The following TASP1 variants were observed in gnomAD, a reference collection of about 807,000 sequenced individuals.
The protein encoded by TASP1 is threonine aspartase 1.
Under a neutral mutation model 56.6 loss-of-function variants are expected in TASP1, and 16 were observed. That is an observed-to-expected ratio of 0.28 (90% CI 0.19 to 0.43). The LOEUF (loss-of-function observed/expected upper bound fraction) is 0.43. Among genes scored for constraint, TASP1 ranks in the 20% least tolerant of loss-of-function variants. The probability of loss-of-function intolerance (pLI) is 1.00; values close to 1 mark genes in which losing one functional copy is unlikely to be tolerated. For synonymous variants in TASP1, 179 were observed against 184.2 expected (o/e 0.97, Z 0.23); for missense variants, 393 against 511.6 (o/e 0.77, Z 2.24).
chr20:13,193,165 A>G, the TASP1 span, among the ~76,000 whole-genome samples: 1 of 152,270 alleles, frequency 6.6e-6, no homozygotes, highest in Non-Finnish European at 1.5e-5. Flanking sequence ...AAAACCAAAA[A>G]AAGCAAAAGT....
At chr20:13,591,862 C>A (rs1021138647) in intron 4 of TASP1, among the ~76,000 whole-genome samples, 1 of 151,678 alleles carries the variant, frequency 6.6e-6, no homozygotes, top group Non-Finnish European at 1.5e-5. Flanking sequence ...TACATGAAGG[C>A]CTATAATATT....
At chr20:13,530,772 T>C (rs887918499) in intron 9 of TASP1, among the ~76,000 whole-genome samples, 6 of 152,174 alleles carry the variant, frequency 3.9e-5, no homozygotes, top group African/African-American at 1.4e-4. Flanking sequence ...CTTCTGAAAT[T>C]CATTGGGCTG....
intron 10 of TASP1, among the ~76,000 whole-genome samples, chr20:13,512,451 TTG>T (rs2044370643): frequency 6.6e-6 from 1 of 152,198 alleles, no homozygotes; most frequent in Non-Finnish European, 1.5e-5. Context: ...TTTGATAAGG[TTG>T]TTTTTTTCTT....
At chr20:13,169,071 G>C in the TASP1 span, 3 of 151,918 alleles carry the variant, frequency 2.0e-5, no homozygotes, top group African/African-American at 7.3e-5. Context: ...TAAAATGTTA[G>C]TTTTAAAATA....
At chr20:13,446,135 A>G (rs1215421329) in intron 11 of TASP1, among the ~76,000 whole-genome samples, 2 of 152,120 alleles carry the variant, frequency 1.3e-5, no homozygotes, top group African/African-American at 2.4e-5. Context: ...TTTAATCAGG[A>G]TGGTCAAGCA....
the TASP1 span, among the ~76,000 whole-genome samples, chr20:13,252,937 C>T: frequency 7.2e-5 from 11 of 152,176 alleles, no homozygotes; most frequent in East Asian, 1.9e-4. Flanking sequence ...CCAGCCCCCC[C>T]TCTCAGATCT....
chr20:13,306,564 C>CAAAAAAAAAAAAAAAAAAAAGAAAAAAAA, the TASP1 span, among the ~76,000 whole-genome samples: 2 of 63,914 alleles, frequency 3.1e-5, no homozygotes, highest in Non-Finnish European at 2.6e-5. Flanking sequence ...GGAGAAAGGA[C>CAAAAAAAAAAAAAAAAAAAAGAAAAAAAA]AAAAAAAAAA....
chr20:13,337,066 C>T, the TASP1 span, among the ~76,000 whole-genome samples: 2 of 152,208 alleles, frequency 1.3e-5, no homozygotes, highest in Non-Finnish European at 2.9e-5. Flanking sequence ...TGAATAGAGG[C>T]ACCAGAATTC....
At position 13,540,118 on chromosome 20, in the gene TASP1, T is replaced by C. The variant is rs568818454; in HGVS notation, c.676-5977A>G. ...CCCATAGTGAACCACTGGTTAAAGATTGAGAACCTGGGATATGCTGAACTT... is the reference window on the plus strand; with the variant it reads ...CCCATAGTGAACCACTGGTTAAAGACTGAGAACCTGGGATATGCTGAACTT... On this transcript the variant is annotated intron_variant, in intron 8 of 13. Transcript: ENST00000337743. 1.7e-4 allele frequency among the ~76,000 whole-genome samples: 26 copies of C among 152,318 alleles called. No individual in the cohort carries two copies. The Middle Eastern group carries it at 0.01, about 60-fold the overall frequency.
At chr20:13,282,443 C>G in the TASP1 span, among the ~76,000 whole-genome samples, 1 of 152,206 alleles carries the variant, frequency 6.6e-6, no homozygotes, top group Non-Finnish European at 1.5e-5. Flanking sequence ...AAAGCCTTTA[C>G]AGAGTACAGT....
the TASP1 span, among the ~76,000 whole-genome samples, chr20:13,130,418 T>C: frequency 6.6e-6 from 1 of 152,232 alleles, no homozygotes; most frequent in Non-Finnish European, 1.5e-5. Flanking sequence ...TGGGGAGCAG[T>C]TGGCCAGATC....
the TASP1 span, among the ~76,000 whole-genome samples, chr20:13,274,779 G>A: frequency 6.6e-6 from 1 of 151,934 alleles, no homozygotes; most frequent in Non-Finnish European, 1.5e-5. Flanking sequence ...AAGTCAGGCA[G>A]CCTCGGTCCC....
chr20:13,432,456 T>C (rs1265269271), intron 12 of TASP1, among the ~76,000 whole-genome samples: 3 of 152,208 alleles, frequency 2.0e-5, no homozygotes, highest in Admixed American at 6.5e-5. Context: ...TGTTTGAATT[T>C]ACTTTGTTTC....
chr20:13,415,129 C>T (rs78240736), intron 13 of TASP1, among the ~76,000 whole-genome samples: 9,653 of 152,078 alleles, frequency 0.063, 455 homozygotes, highest in African/African-American at 0.13. Context: ...TTACTCATTT[C>T]GCTACCACGG....
At chr20:13,302,068 A>G in the TASP1 span, among the ~76,000 whole-genome samples, 1 of 152,240 alleles carries the variant, frequency 6.6e-6, no homozygotes, top group African/African-American at 2.4e-5. Context: ...GTTTAAGGTG[A>G]TGAGCAGAGG....
chr20:13,631,271 T>C (rs1357442027), intron 1 of TASP1, among the ~76,000 whole-genome samples: 2 of 152,202 alleles, frequency 1.3e-5, no homozygotes, highest in Non-Finnish European at 2.9e-5. Flanking sequence ...TTTATACAGA[T>C]TCACAAATGC....
chr20:13,339,846 T>G, the TASP1 span, among the ~76,000 whole-genome samples: 2 of 151,994 alleles, frequency 1.3e-5, no homozygotes, highest in African/African-American at 4.8e-5. Flanking sequence ...ACGCTCAATA[T>G]GAAAACAGTT....
chr20:13,313,094 C>T, the TASP1 span, among the ~76,000 whole-genome samples: 3 of 152,180 alleles, frequency 2.0e-5, no homozygotes, highest in Non-Finnish European at 4.4e-5. Flanking sequence ...TGGGCCCCAT[C>T]CCACCACCTT....
At chr20:13,464,556 A>C (rs2044176746) in intron 11 of TASP1, among the ~76,000 whole-genome samples, 1 of 152,202 alleles carries the variant, frequency 6.6e-6, no homozygotes, top group Non-Finnish European at 1.5e-5. Context: ...TACATGCAAT[A>C]AGATATTTAG....
Sources: gnomAD v4.1 joint callset for allele counts (sites outside exome capture counted in the v4.1 genomes callset) on GRCh38, gnomAD v4.1.1 for gene constraint, MANE v1.5 for transcripts, NCBI Gene and HGNC (gene_info 2026-07-23, HGNC 2026-07-21) for gene names.